GRID2: variants seen among roughly 807,000 people sequenced by gnomAD.
The protein encoded by GRID2 is glutamate ionotropic receptor delta type subunit 2, also known as glutamate receptor ionotropic, delta-2.
In GRID2, 33 loss-of-function variants were observed where a neutral mutation model predicts 114.8. The observed-to-expected ratio is 0.29, with a 90% confidence interval of 0.22 to 0.38. GRID2 has a LOEUF of 0.38. GRID2 is among the 10% of genes least tolerant of loss of function. The probability of loss-of-function intolerance (pLI) is 1.00; values close to 1 mark genes in which losing one functional copy is unlikely to be tolerated. For missense variants in GRID2, 1,184 were observed against 1,257.7 expected, an observed-to-expected ratio of 0.94 and a Z score of 0.89; for synonymous variants, 505 against 449.9, an observed-to-expected ratio of 1.12 and a Z score of -1.55.
intron 12 of GRID2, among the ~76,000 whole-genome samples, chr4:93,502,302 G>A (rs1445749795): frequency 6.6e-6 from 1 of 151,968 alleles, no homozygotes; most frequent in Non-Finnish European, 1.5e-5. Context: ...TTCGCTCACT[G>A]CACAAATATT....
chr4:93,049,661 C>A (rs1429646781), intron 2 of GRID2, among the ~76,000 whole-genome samples: 3 of 151,442 alleles, frequency 2.0e-5, no homozygotes, highest in Non-Finnish European at 4.4e-5. Flanking sequence ...TCAAGGGAAC[C>A]CAGGGAAATG....
At chr4:93,552,962 C>T (rs768638943) in intron 13 of GRID2, among the ~76,000 whole-genome samples, 1 of 152,112 alleles carries the variant, frequency 6.6e-6, no homozygotes, top group Non-Finnish European at 1.5e-5. Context: ...AGGACATGAA[C>T]TCATCCTTTT....
chr4:92,871,206 T>G (rs891582590), intron 2 of GRID2, among the ~76,000 whole-genome samples: 2 of 152,096 alleles, frequency 1.3e-5, no homozygotes, highest in Non-Finnish European at 2.9e-5. Flanking sequence ...TTGTTTTGCT[T>G]TTTTATTTTT....
chr4:92,442,199 G>A (rs913660327), intron 1 of GRID2, among the ~76,000 whole-genome samples: 1 of 148,562 alleles, frequency 6.7e-6, no homozygotes, highest in African/African-American at 2.4e-5. Flanking sequence ...GGTCTAGGGG[G>A]CTTCCGAGGC....
At chr4:92,955,506 C>T (rs1282438182) in intron 2 of GRID2, among the ~76,000 whole-genome samples, 1 of 151,870 alleles carries the variant, frequency 6.6e-6, no homozygotes, top group Non-Finnish European at 1.5e-5. Flanking sequence ...ATTGTAGATT[C>T]TGGATATTAG....
intron 14 of GRID2, among the ~76,000 whole-genome samples, chr4:93,673,134 C>T (rs185203538): frequency 5.6e-4 from 85 of 152,214 alleles, no homozygotes; most frequent in African/African-American, 2.0e-3. Flanking sequence ...CAACATCCAC[C>T]TACTTATATT....
chr4:93,808,664 A>G (rs1002233962), exon 2 of GRID2: 5 of 152,208 alleles, frequency 3.3e-5, no homozygotes, highest in African/African-American at 1.2e-4. Flanking sequence ...CTCTACTGCC[A>G]TAGAGACATT....
intron 4 of GRID2, among the ~76,000 whole-genome samples, chr4:93,113,625 G>T (rs1210224415): frequency 6.6e-6 from 1 of 152,208 alleles, no homozygotes. Flanking sequence ...ATAGCCTGGT[G>T]TTGGAGAAGG....
intron 1 of GRID2, among the ~76,000 whole-genome samples, chr4:92,587,111 T>G (rs1008745537): frequency 4.1e-5 from 6 of 147,608 alleles, no homozygotes; most frequent in African/African-American, 1.5e-4. Context: ...TGTGTGTGTG[T>G]GTGTGTGTGT....
intron 1 of GRID2, among the ~76,000 whole-genome samples, chr4:92,464,257 C>A (rs1721640497): frequency 6.6e-6 from 1 of 151,950 alleles, no homozygotes; most frequent in Non-Finnish European, 1.5e-5. Flanking sequence ...TCATCTTGCC[C>A]TTTCTCTTAG....
intron 1 of GRID2, among the ~76,000 whole-genome samples, chr4:92,320,929 A>G (rs1726281328): frequency 6.6e-6 from 1 of 152,194 alleles, no homozygotes; most frequent in Non-Finnish European, 1.5e-5. Context: ...GAGTTTTAAA[A>G]CAGAATGATC....
At chr4:93,580,365 C>G (rs1409442154) in intron 13 of GRID2, among the ~76,000 whole-genome samples, 3 of 152,162 alleles carry the variant, frequency 2.0e-5, no homozygotes, top group African/African-American at 7.2e-5. Context: ...GGGAGAGATA[C>G]TGATGTGTTG....
chr4:93,025,747 G>A, intron 2 of GRID2, among the ~76,000 whole-genome samples: 1 of 151,660 alleles, frequency 6.6e-6, no homozygotes, highest in Non-Finnish European at 1.5e-5. Flanking sequence ...TTGGTAACTG[G>A]CTCTAACATA....
At chr4:93,337,193 T>G (rs1008191450) in intron 8 of GRID2, among the ~76,000 whole-genome samples, 1 of 152,206 alleles carries the variant, frequency 6.6e-6, no homozygotes, top group Non-Finnish European at 1.5e-5. Flanking sequence ...ATTTTTTTTC[T>G]TGATAATTTG....
intron 1 of GRID2, among the ~76,000 whole-genome samples, chr4:92,398,231 G>A (rs2110274767): frequency 6.6e-6 from 1 of 152,106 alleles, no homozygotes; most frequent in Non-Finnish European, 1.5e-5. Context: ...TACTTTAACA[G>A]GAATAAAACA....
At chr4:92,480,554 TCTCA>T (rs537213501) in intron 1 of GRID2, among the ~76,000 whole-genome samples, 19 of 152,088 alleles carry the variant, frequency 1.2e-4, no homozygotes, top group Non-Finnish European at 2.4e-4. Flanking sequence ...AAATGTATTC[TCTCA>T]CAGGTCTCAA....
At chr4:93,724,808 C>G (rs11932638) in intron 14 of GRID2, among the ~76,000 whole-genome samples, 4,688 of 152,054 alleles carry the variant, frequency 0.031, 223 homozygotes, top group African/African-American at 0.1. Flanking sequence ...GAGACAAAGT[C>G]TCACTCTGTC....
At chr4:92,799,626 A>G (rs530536835) in intron 2 of GRID2, among the ~76,000 whole-genome samples, 206 of 152,006 alleles carry the variant, frequency 1.4e-3, no homozygotes, top group African/African-American at 4.9e-3. Flanking sequence ...AAGAACACCA[A>G]TCAGATTGTT....
intron 1 of GRID2, among the ~76,000 whole-genome samples, chr4:92,530,869 T>C (rs891450470): frequency 1.3e-5 from 2 of 151,810 alleles, no homozygotes; most frequent in African/African-American, 4.8e-5. Flanking sequence ...ATCATGCCAC[T>C]GCACTCCAAG....
Sources: gnomAD v4.1 joint callset for allele counts (sites outside exome capture counted in the v4.1 genomes callset) on GRCh38, gnomAD v4.1.1 for gene constraint, MANE v1.5 for transcripts, NCBI Gene and HGNC (gene_info 2026-07-23, HGNC 2026-07-21) for gene names.